The following CRTC1 variants were observed in gnomAD, a reference collection of about 807,000 sequenced individuals.
The protein encoded by CRTC1 is CREB regulated transcription coactivator 1.
A neutral mutation model predicts 66.1 loss-of-function variants in CRTC1; 18 were observed. That is an observed-to-expected ratio of 0.27 (90% CI 0.19 to 0.40). The LOEUF is 0.40. Ranked by LOEUF, CRTC1 falls within the 10% of genes least tolerant of loss-of-function variation. CRTC1 has a pLI of 1.00. For synonymous variants in CRTC1, 416 were observed against 398.8 expected (o/e 1.04, Z -0.51); for missense variants, 669 against 887.9 (o/e 0.75, Z 3.13).
At position 18,727,997 on chromosome 19, in the gene CRTC1, A is replaced by G. The variant is rs1017510285; in HGVS notation, c.127-14913A>G. Among the ~76,000 whole-genome samples the G allele has an allele frequency of 1.2e-4, 18 of 152,180 alleles. 1 individual carries two copies. Among genetic ancestry groups the G allele is most frequent in the Non-Finnish European group, 4.4e-5 (3 of 68,038 alleles). ...CACCTCAGCCTCCCAAAGCGCTGGG[A>G]TTACAGGCGTGAGCCACCGTGCCCG... On this transcript the variant is annotated intron_variant, in intron 1 of 13. Coordinates refer to ENST00000321949, the MANE Select transcript of CRTC1 (RefSeq NM_015321.3).
chr19:18,721,492 C>CTTT (rs56049346), intron 1 of CRTC1, among the ~76,000 whole-genome samples: 5 of 122,102 alleles, frequency 4.1e-5, no homozygotes, highest in Non-Finnish European at 8.1e-5. Context: ...CACACCCGGC[C>CTTT]TTTTTTTTTT....
intron 1 of CRTC1, among the ~76,000 whole-genome samples, chr19:18,742,705 G>T (rs923299787): frequency 6.6e-6 from 1 of 152,190 alleles, no homozygotes; most frequent in Non-Finnish European, 1.5e-5. Flanking sequence ...CTGGGGAGCC[G>T]TCCCGGCACC....
chr19:18,761,799 C>T (rs532712217), intron 8 of CRTC1, among the ~76,000 whole-genome samples: 3 of 152,156 alleles, frequency 2.0e-5, no homozygotes, highest in African/African-American at 4.8e-5. Flanking sequence ...TGGAGGGTGG[C>T]GTGAATGTTC....
intron 11 of CRTC1, among the ~76,000 whole-genome samples, chr19:18,772,064 G>C (rs865904223): frequency 2.6e-5 from 4 of 152,268 alleles, no homozygotes; most frequent in Middle Eastern, 3.4e-3. Context: ...AGTGTCTCAG[G>C]GCCCTTGTCC....
At chr19:18,699,003 C>T (rs1008585897) in intron 1 of CRTC1, among the ~76,000 whole-genome samples, 4 of 151,162 alleles carry the variant, frequency 2.6e-5, no homozygotes, top group East Asian at 2.0e-4. Flanking sequence ...GCTCTGCAGG[C>T]GCTTAGCAGG....
chr19:18,748,782 G>A (rs973134285), intron 4 of CRTC1, among the ~76,000 whole-genome samples: 2 of 150,440 alleles, frequency 1.3e-5, no homozygotes, highest in African/African-American at 4.9e-5. Flanking sequence ...GTAAACGGAA[G>A]AAAAGTAAGC....
chr19:18,745,522 C>T (rs566506866), intron 2 of CRTC1, among the ~76,000 whole-genome samples: 10 of 152,298 alleles, frequency 6.6e-5, no homozygotes, highest in East Asian at 3.9e-4. Flanking sequence ...CCCTGGCACC[C>T]GGCGGGCGCT....
chr19:18,728,280 T>C (rs1256893685), intron 1 of CRTC1, among the ~76,000 whole-genome samples: 1 of 152,182 alleles, frequency 6.6e-6, no homozygotes, highest in Non-Finnish European at 1.5e-5. Flanking sequence ...CCCCTTATGT[T>C]ACTAGGTGAA....
Position 18,759,609 on chromosome 19 carries a change from C to T in CRTC1, c.665+18C>T, listed in dbSNP as rs375271226. Reference sequence around the variant, plus strand: ...GGAATCAAGTAAGTCTCCACAGGGCCCACCCCGCACACTGCATCTGCTGCG... The same window carrying T: ...GGAATCAAGTAAGTCTCCACAGGGCTCACCCCGCACACTGCATCTGCTGCG... On this transcript the variant is annotated intron_variant, in intron 7 of 13. Transcript: ENST00000321949. 2 of 1,611,390 alleles carry T rather than the reference C, an allele frequency of 1.2e-6. No homozygotes were observed. The highest frequency in any genetic ancestry group is 1.7e-6 in the Non-Finnish European group (2 of 1,179,018).
At chr19:18,738,644 A>G (rs2054048991) in intron 1 of CRTC1, among the ~76,000 whole-genome samples, 1 of 152,194 alleles carries the variant, frequency 6.6e-6, no homozygotes, top group African/African-American at 2.4e-5. Context: ...TCTACTAAAA[A>G]TACAAAAATT....
At chr19:18,773,594 T>TTGCC (rs777149884) in intron 11 of CRTC1, among the ~76,000 whole-genome samples, 1 of 152,068 alleles carries the variant, frequency 6.6e-6, no homozygotes, top group Non-Finnish European at 1.5e-5. Context: ...ACATTACCTA[T>TTGCC]TGCCTGCCTG....
In CRTC1 at chr19:18,771,471, C is replaced by T. The variant is rs370433268; in HGVS notation, c.1350C>T (p.Ser450=). The change falls in exon 11 of 14, where the codon AGC becomes AGT. Residue 450 remains serine, a synonymous_variant. Coordinates refer to ENST00000321949, the MANE Select transcript of CRTC1 (RefSeq NM_015321.3). The surrounding 1 kb of genome is among the most constrained non-coding windows in gnomAD (Gnocchi z 4.6). The part of the protein sequence containing the change: ...SAPALQQYRT[S]AGSPANQSPT... Reference sequence around the variant, plus strand: ...CGGCTCTGCAGCAGTACCGCACTAGCGCCGGCTCCCCGGCCAACCAGTCTC... The same window carrying T: ...CGGCTCTGCAGCAGTACCGCACTAGTGCCGGCTCCCCGGCCAACCAGTCTC... The T allele has an allele frequency of 4.0e-5, 64 of 1,613,486 alleles. No homozygotes were observed. Among genetic ancestry groups the T allele is most frequent in the Middle Eastern group, 3.3e-4 (2 of 6,072 alleles).
chr19:18,761,297 G>T (rs2054609431), intron 8 of CRTC1, among the ~76,000 whole-genome samples: 1 of 152,202 alleles, frequency 6.6e-6, no homozygotes, highest in Non-Finnish European at 1.5e-5. Flanking sequence ...TGCAGTGTGT[G>T]ACCTGCATCC....
At chr19:18,727,525 G>A (rs1337250531) in intron 1 of CRTC1, among the ~76,000 whole-genome samples, 1 of 131,454 alleles carries the variant, frequency 7.6e-6, no homozygotes, top group Non-Finnish European at 1.5e-5. Flanking sequence ...AGGTTGCAGT[G>A]AGCCGAGATC....
In CRTC1 at chr19:18,734,526, GA is replaced by G. The variant is rs112158816; in HGVS notation, c.127-8370del. ...ATGGGGGACCCTGTCTCTACAGAAA[GA>G]AAAAAAAAAAAAAGGCCATGGTGGT... On this transcript the variant is annotated intron_variant, in intron 1 of 13. Transcript: ENST00000321949. Among the ~76,000 whole-genome samples, 155 of 122,750 alleles carry G rather than the reference GA, an allele frequency of 1.3e-3. 1 individual carries two copies. Among genetic ancestry groups the G allele is most frequent in the Admixed American group, 1.5e-3 (18 of 11,826 alleles). 80.5% of individuals were successfully genotyped at this position (122,750 alleles called of 152,430 possible). A position where few individuals can be genotyped will look rare whatever the true frequency, so the allele number is the denominator to read the frequency against.
intron 1 of CRTC1, among the ~76,000 whole-genome samples, chr19:18,730,603 C>G (rs761697515): frequency 3.9e-5 from 6 of 152,154 alleles, no homozygotes; most frequent in Non-Finnish European, 8.8e-5. Flanking sequence ...CTGGCCTGGT[C>G]TCTGCTCCCT....
intron 8 of CRTC1, among the ~76,000 whole-genome samples, chr19:18,762,471 G>T (rs977365350): frequency 2.0e-5 from 3 of 152,168 alleles, no homozygotes; most frequent in African/African-American, 7.2e-5. Context: ...AAGCCCACCC[G>T]CCAGTCAGAA....
chr19:18,727,460 A>G (rs1260074015), intron 1 of CRTC1, among the ~76,000 whole-genome samples: 1 of 150,748 alleles, frequency 6.6e-6, no homozygotes, highest in Admixed American at 6.6e-5. Flanking sequence ...ACGCATCAGT[A>G]GTCCCAGCTA....
intron 10 of CRTC1, among the ~76,000 whole-genome samples, chr19:18,769,808 C>A (rs756920553): frequency 6.6e-6 from 1 of 152,146 alleles, no homozygotes; most frequent in Non-Finnish European, 1.5e-5. Flanking sequence ...ACAACAAAGA[C>A]GGCTTCCTGC....
Sources: allele counts gnomAD v4.1 joint callset (sites outside exome capture counted in the v4.1 genomes callset), GRCh38; gene constraint gnomAD v4.1.1; non-coding constraint Gnocchi (gnomAD v3.1); transcripts MANE v1.5; gene names NCBI Gene and HGNC (gene_info 2026-07-23, HGNC 2026-07-21).